The following CD96 variants were observed in gnomAD, a reference collection of about 807,000 sequenced individuals.
CD96 encodes CD96 molecule, also known as T-cell surface protein tactile.
In CD96, 70 loss-of-function variants were observed where a neutral mutation model predicts 71.3. That is an observed-to-expected ratio of 0.98 (90% CI 0.81 to 1.20). The LOEUF is 1.20. CD96 is among the 50% of genes most tolerant of loss of function. The probability of loss-of-function intolerance (pLI) is 0.00; values close to 1 mark genes in which losing one functional copy is unlikely to be tolerated. For synonymous variants in CD96, 248 were observed against 233.0 expected, an observed-to-expected ratio of 1.06 and a Z score of -0.59; for missense variants, 742 against 677.5, an observed-to-expected ratio of 1.10 and a Z score of -1.06.
chr3:111,583,102 G>A lies in CD96; in HGVS notation c.752-2221G>A, dbSNP rs371589150. ...CTTTCTAGATATAATGGGGGTATAA[G>A]CATTCAGTAAATACAACCATTCTAA... On this transcript the variant is annotated intron_variant, in intron 4 of 13. Coordinates refer to ENST00000352690, the MANE Select transcript of CD96 (RefSeq NM_005816.5). 1.9e-4 allele frequency among the ~76,000 whole-genome samples: 29 copies of A among 152,332 alleles called. No homozygotes were observed. In the East Asian group the frequency reaches 5.0e-3, roughly 26 times the overall value.
chr3:111,620,852 C>CATAATAA (rs1938487923), intron 8 of CD96, among the ~76,000 whole-genome samples: 1 of 152,160 alleles, frequency 6.6e-6, no homozygotes, highest in African/African-American at 2.4e-5. Flanking sequence ...CCAACAAGGT[C>CATAATAA]CCTAAATAAC....
At chr3:111,620,298 A>T (rs1263349981) in intron 8 of CD96, among the ~76,000 whole-genome samples, 1 of 152,224 alleles carries the variant, frequency 6.6e-6, no homozygotes, top group Non-Finnish European at 1.5e-5. Flanking sequence ...AGTGCCAAGC[A>T]CAGTGCCTGA....
At chr3:111,553,276 G>T (rs372425876) in intron 2 of CD96, among the ~76,000 whole-genome samples, 1 of 151,088 alleles carries the variant, frequency 6.6e-6, no homozygotes. Context: ...TTTCCTTTGC[G>T]ATATATTTGT....
intron 5 of CD96, 98 bp downstream of exon 5, chr3:111,585,476 C>T (rs1936668474): frequency 2.5e-6 from 2 of 789,592 alleles, no homozygotes; most frequent in Admixed American, 1.8e-5. Context: ...AACTTTACTC[C>T]TTGGCCCTTG....
intron 4 of CD96, chr3:111,579,461 T>A (rs1936371597): frequency 1.6e-6 from 1 of 608,562 alleles, no homozygotes; most frequent in Non-Finnish European, 3.0e-6. Flanking sequence ...AGCCAATAAT[T>A]TTCTGTATTG....
At chr3:111,647,240 G>T (rs370785112) in intron 12 of CD96, among the ~76,000 whole-genome samples, 2 of 151,070 alleles carry the variant, frequency 1.3e-5, no homozygotes, top group East Asian at 3.9e-4. Flanking sequence ...TGAAAAAAAA[G>T]AAAAAGAAAT....
chr3:111,574,211 C>A (rs915298929), intron 3 of CD96, among the ~76,000 whole-genome samples: 1 of 152,166 alleles, frequency 6.6e-6, no homozygotes, highest in African/African-American at 2.4e-5. Context: ...CAGGATAGCT[C>A]AGAGATGAAA....
intron 2 of CD96, among the ~76,000 whole-genome samples, chr3:111,562,410 A>AAT (rs749646140): frequency 1.2e-4 from 18 of 151,830 alleles, no homozygotes; most frequent in African/African-American, 3.4e-4. Flanking sequence ...CAGACTATAG[A>AAT]ATATATATAT....
At chr3:111,628,342 G>A (rs1487937823) in intron 10 of CD96, among the ~76,000 whole-genome samples, 1 of 152,196 alleles carries the variant, frequency 6.6e-6, no homozygotes, top group Non-Finnish European at 1.5e-5. Flanking sequence ...TAACCAATCT[G>A]ATAGAGCTGA....
intron 12 of CD96, among the ~76,000 whole-genome samples, chr3:111,640,914 A>G (rs892633007): frequency 3.3e-5 from 5 of 151,974 alleles, no homozygotes; most frequent in African/African-American, 1.2e-4. Context: ...GGAAAGATAC[A>G]GTTGTTTTCA....
At position 111,545,395 on chromosome 3, in the gene CD96, G is replaced by A. The variant is rs141849775; in HGVS notation, c.411G>A (p.Gln137=). The change falls in exon 2 of 14, where the codon CAG becomes CAA. Residue 137 remains glutamine (Q), a synonymous_variant. Coordinates refer to ENST00000352690, the MANE Select transcript of CD96 (RefSeq NM_005816.5). ...IQTKIYNLLI[Q]THVTADEWNS... The stretch of plus-strand genomic sequence containing the variant: ...CTAAAATCTACAACCTTCTCATTCA[G>A]ACACACGGTAAGCATAACTGGTAGA... 2.7e-5 allele frequency: 42 copies of A among 1,574,318 alleles called. No homozygotes were observed. The African/African-American group carries it at 5.1e-4, about 19-fold the overall frequency.
chr3:111,545,310 C>G lies in CD96; in HGVS notation c.326C>G (p.Ser109Cys). The G allele has an allele frequency of 6.2e-7, 1 of 1,614,070 alleles. No individual in the cohort carries two copies. The highest frequency in any genetic ancestry group is 8.5e-7 in the Non-Finnish European group (1 of 1,179,912). The change falls in exon 2 of 14, where the codon TCT becomes TGT. Residue 109 changes from serine (S) to cysteine (C), a missense_variant. Transcript: ENST00000352690. The part of the protein sequence containing the change: ...SKWTLHLRNM[S>C]CSVSGRYECM... The stretch of plus-strand genomic sequence containing the variant: ...TGGACTCTGCACTTAAGGAATATGT[C>G]TTGTTCAGTCAGTGGAAGGTACGAG...
At chr3:111,657,130 A>C (rs983299658), downstream of CD96, among the ~76,000 whole-genome samples, 41 of 152,042 alleles carry the variant, frequency 2.7e-4, no homozygotes, top group African/African-American at 9.9e-4. Context: ...ATTAGTTTTT[A>C]GGAAAAACTA....
At chr3:111,603,242 G>A (rs1187701943) in intron 7 of CD96, among the ~76,000 whole-genome samples, 1 of 152,128 alleles carries the variant, frequency 6.6e-6, no homozygotes, top group Non-Finnish European at 1.5e-5. Context: ...AGAAGTTCAA[G>A]ATCAGCCTGG....
chr3:111,638,963 G>A (rs890624387), intron 12 of CD96, among the ~76,000 whole-genome samples: 5 of 151,940 alleles, frequency 3.3e-5, no homozygotes, highest in South Asian at 2.1e-4. Context: ...TTCTACACTT[G>A]GTTGGAAAAA....
chr3:111,609,729 A>G lies in CD96; in HGVS notation c.1180+2937A>G, dbSNP rs1038264780. Among the ~76,000 whole-genome samples the G allele has an allele frequency of 2.6e-5, 4 of 152,344 alleles. No homozygotes were observed. The South Asian group carries it at 8.3e-4, about 32-fold the overall frequency. On this transcript the variant is annotated intron_variant, in intron 8 of 13. Transcript: ENST00000352690. ...AGGGGGGAAAAATGCCACCTGATCTACTATCACACTAAGACGATGTAGTTG... is the reference window on the plus strand; with the variant it reads ...AGGGGGGAAAAATGCCACCTGATCTGCTATCACACTAAGACGATGTAGTTG...
Position 111,651,221 on chromosome 3 carries a change from C to T in CD96, c.*1415C>T, listed in dbSNP as rs1313554290. 6.6e-6 allele frequency: 1 copy of T among 152,230 alleles called. No homozygotes were observed. The highest frequency in any genetic ancestry group is 1.5e-5 in the Non-Finnish European group (1 of 68,066). 9.4% of individuals were successfully genotyped at this position (152,230 alleles called of 1,614,324 possible). ...CTCAGAATCTTAGGTAGGTGCTTAA[C>T]TCTTGTGGTGGCCAGCCTCCAAGAT... On this transcript the variant is annotated 3_prime_UTR_variant, in exon 14 of 14. Transcript: ENST00000352690.
chr3:111,629,043 C>T (rs537093614), intron 10 of CD96, among the ~76,000 whole-genome samples: 22 of 152,266 alleles, frequency 1.4e-4, no homozygotes, highest in African/African-American at 5.3e-4. Flanking sequence ...AGACCATTAC[C>T]TGCCACTACA....
At chr3:111,592,806 A>T (rs775551167) in intron 5 of CD96, 1 of 152,198 alleles carries the variant, frequency 6.6e-6, no homozygotes, top group Admixed American at 6.5e-5. Context: ...TGTTTAAACT[A>T]AGTAAGTTGA....
Sources: allele counts gnomAD v4.1 joint callset (sites outside exome capture counted in the v4.1 genomes callset), GRCh38; gene constraint gnomAD v4.1.1; transcripts MANE v1.5; gene names NCBI Gene and HGNC (gene_info 2026-07-23, HGNC 2026-07-21).